The following ADAMTS7 variants were observed in gnomAD, a reference collection of about 807,000 sequenced individuals.
The protein encoded by ADAMTS7 is A disintegrin and metalloproteinase with thrombospondin motifs 7.
In ADAMTS7, 89 loss-of-function variants were observed where a neutral mutation model predicts 172.6. That is an observed-to-expected ratio of 0.52 (90% CI 0.43 to 0.61). ADAMTS7 has a LOEUF of 0.61. Among genes scored for constraint, ADAMTS7 ranks in the 20% least tolerant of loss-of-function variants. ADAMTS7 has a pLI of 0.00. For missense variants in ADAMTS7, 1,973 were observed against 2,355.6 expected (o/e 0.84, Z 3.36); for synonymous variants, 885 against 978.4 (o/e 0.90, Z 1.78).
At chr15:78,780,255 C>G (rs1373546164) in intron 8 of ADAMTS7, among the ~76,000 whole-genome samples, 1 of 151,632 alleles carries the variant, frequency 6.6e-6, no homozygotes, top group Non-Finnish European at 1.5e-5. Context: ...CTAATTATAG[C>G]GGGGCTGGGC....
intron 23 of ADAMTS7, among the ~76,000 whole-genome samples, chr15:78,761,056 C>T (rs1266738176): frequency 6.6e-6 from 1 of 152,186 alleles, no homozygotes; most frequent in Non-Finnish European, 1.5e-5. Context: ...GCTCAGGTAG[C>T]ACATAGGAGT....
chr15:78,800,619 A>C (rs950270576), intron 1 of ADAMTS7, 72 bp from the exon 2 acceptor site: 3 of 1,446,414 alleles, frequency 2.1e-6, no homozygotes, highest in African/African-American at 2.8e-5. Context: ...GGGGACCAGA[A>C]GGGAGCGGCC....
At chr15:78,772,707 A>C (rs370810736) in intron 14 of ADAMTS7, among the ~76,000 whole-genome samples, 1 of 152,390 alleles carries the variant, frequency 6.6e-6, no homozygotes, top group African/African-American at 2.4e-5. Flanking sequence ...CTTCACCTGC[A>C]TGTCCCCATC....
chr15:78,805,002 C>T (rs2141527733), intron 1 of ADAMTS7, among the ~76,000 whole-genome samples: 1 of 152,326 alleles, frequency 6.6e-6, no homozygotes, highest in Non-Finnish European at 1.5e-5. Context: ...ATCAGCAGTA[C>T]CTGGAGAGCT....
At chr15:78,807,857 TTTTA>T (rs1283093283) in intron 1 of ADAMTS7, among the ~76,000 whole-genome samples, 2 of 148,910 alleles carry the variant, frequency 1.3e-5, no homozygotes, top group African/African-American at 4.9e-5. Flanking sequence ...AAAAACATGT[TTTTA>T]TTTATTTATT....
chr15:78,783,983 A>G (rs1429131109), intron 8 of ADAMTS7, among the ~76,000 whole-genome samples: 1 of 152,186 alleles, frequency 6.6e-6, no homozygotes, highest in Non-Finnish European at 1.5e-5. Flanking sequence ...TTAGTGAATG[A>G]GAAAGTTTAA....
intron 22 of ADAMTS7, among the ~76,000 whole-genome samples, chr15:78,763,205 A>C (rs1368059314): frequency 6.6e-6 from 1 of 152,216 alleles, no homozygotes; most frequent in South Asian, 2.1e-4. Flanking sequence ...CTCAGCAGCC[A>C]GTCGGACAAA....
intron 8 of ADAMTS7, 131 bp downstream of exon 8, chr15:78,788,100 G>C: frequency 1.6e-6 from 2 of 1,277,988 alleles, no homozygotes; most frequent in Non-Finnish European, 2.2e-6. Context: ...ATTAGACCTT[G>C]ACCTCATGTA....
Position 78,771,235 on chromosome 15 carries a change from G to T in ADAMTS7, c.2445C>A (p.His815Gln). ...EYTIHREAGG[H>Q]DEVPPPVFSW... ...AGAACACGGGCGGCGGGACCTCGTC[G>T]TGGCCACCTGCCTCCCTGTGGATGG... The change falls in exon 16 of 24, where the codon CAC becomes CAA. Residue 815 changes from histidine to glutamine, a missense_variant. By Grantham distance (24) the His-to-Gln change is conservative. This residue lies in a region of ADAMTS7 where 771 missense variants were observed against 952.6 expected (regional missense o/e 0.81). Transcript: ENST00000388820. The surrounding 1 kb of genome is among the most constrained non-coding windows in gnomAD (Gnocchi z 4.9). 1 of 1,612,124 alleles carries T rather than the reference G, an allele frequency of 6.2e-7. No individual in the cohort carries two copies. The highest frequency in any genetic ancestry group is 8.5e-7 in the Non-Finnish European group (1 of 1,179,644).
intron 2 of ADAMTS7, among the ~76,000 whole-genome samples, chr15:78,798,987 G>A (rs1308426220): frequency 7.2e-6 from 1 of 138,274 alleles, no homozygotes; most frequent in Non-Finnish European, 1.6e-5. Context: ...AGGTGACCCT[G>A]GGCAAGTTCC....
intron 4 of ADAMTS7, among the ~76,000 whole-genome samples, chr15:78,795,630 CTTTAGATA>C (rs2055632860): frequency 6.6e-6 from 1 of 152,170 alleles, no homozygotes; most frequent in South Asian, 2.1e-4. Flanking sequence ...CCCAGGGCTC[CTTTAGATA>C]TTATCCTGTT....
At chr15:78,768,645 C>T (rs2055199100) in intron 16 of ADAMTS7, among the ~76,000 whole-genome samples, 2 of 152,210 alleles carry the variant, frequency 1.3e-5, no homozygotes, top group Admixed American at 6.5e-5. Flanking sequence ...GGGAGGACTG[C>T]GTGTGTTCTT....
At chr15:78,765,585 G>A in intron 19 of ADAMTS7, 60 bp downstream of exon 19, 2 of 1,599,038 alleles carry the variant, frequency 1.3e-6, no homozygotes, top group Non-Finnish European at 1.7e-6. Context: ...ATTTTCAGAT[G>A]AGGAAATAGT....
At chr15:78,788,428 C>T in intron 7 of ADAMTS7, 54 bp from the exon 8 acceptor site, 1 of 1,593,978 alleles carries the variant, frequency 6.3e-7, no homozygotes, top group South Asian at 1.1e-5. Flanking sequence ...GGCTGCCAGC[C>T]TGCCCTCCCC....
chr15:78,800,386 CGCGGTATT>C lies in ADAMTS7; in HGVS notation c.254_261del (p.Gln85ArgfsTer51), dbSNP rs2055706459. On this transcript the variant is annotated frameshift_variant, in exon 2 of 24. Coordinates refer to ENST00000388820, the MANE Select transcript of ADAMTS7 (RefSeq NM_014272.5). LOFTEE classifies it high-confidence loss of function. ...GTCAGGTTGAAGCGCAGCTCGCGCC[CGCGGTATT>C]GTAGCTCGTAGAAGGCGGGCGCGTC... The C allele has an allele frequency of 6.2e-7, 1 of 1,607,270 alleles. No individual in the cohort carries two copies. Among genetic ancestry groups the C allele is most frequent in the Non-Finnish European group, 8.5e-7 (1 of 1,177,408 alleles).
intron 5 of ADAMTS7, 124 bp from the exon 6 acceptor site, chr15:78,790,918 A>AG (rs2055571768): frequency 1.4e-6 from 2 of 1,458,414 alleles, no homozygotes; most frequent in Non-Finnish European, 1.9e-6. Context: ...CGCAGGCACC[A>AG]GTCGAGCTTC....
chr15:78,761,353 CA>C (rs1358993635), intron 23 of ADAMTS7, among the ~76,000 whole-genome samples: 1 of 152,244 alleles, frequency 6.6e-6, no homozygotes, highest in East Asian at 1.9e-4. Context: ...AGGGAGCAGA[CA>C]GCCAATAGCA....
At chr15:78,791,001 A>AG in intron 5 of ADAMTS7, 139 bp downstream of exon 5, 2 of 1,219,980 alleles carry the variant, frequency 1.6e-6, no homozygotes, top group Non-Finnish European at 1.2e-6. Flanking sequence ...GTCAGGAACC[A>AG]GGGGGTGGCA....
Position 78,765,813 on chromosome 15 carries a change from C to A in ADAMTS7, c.4098G>T (p.Glu1366Asp). ...ACAGCAGCCTAGAGCTCAGGGGCAC[C>A]TCAGGGCTGAGGGACTCAGGCTGAC... ...PKGQPESLSP[E>D]VPLSSRLLST... Residue 1366 changes from glutamate to aspartate, a missense_variant, in exon 19 of 24, where the codon GAG becomes GAT. Physicochemically the swap from Glu to Asp is conservative, Grantham distance 45. Around this residue, in one of 8 missense-constraint regions of ADAMTS7, gnomAD observed 771 missense variants for 952.6 expected, o/e 0.81. Transcript: ENST00000388820. The A allele has an allele frequency of 1.3e-6, 2 of 1,594,036 alleles. No homozygotes were observed. Among genetic ancestry groups the A allele is most frequent in the Non-Finnish European group, 1.7e-6 (2 of 1,171,822 alleles).
Sources: allele counts gnomAD v4.1 joint callset (sites outside exome capture counted in the v4.1 genomes callset), GRCh38; gene constraint gnomAD v4.1.1; regional missense constraint gnomAD v4.1.1; non-coding constraint Gnocchi (gnomAD v3.1); transcripts MANE v1.5; gene names NCBI Gene and HGNC (gene_info 2026-07-23, HGNC 2026-07-21).